PLEKHG7: variants seen among roughly 807,000 people sequenced by gnomAD.
The protein encoded by PLEKHG7 is pleckstrin homology domain-containing family G member 7.
Under a neutral mutation model 85.2 loss-of-function variants are expected in PLEKHG7, and 77 were observed. The ratio of observed to expected loss-of-function variants is 0.90; its 90% confidence interval spans 0.75 to 1.09. The LOEUF (loss-of-function observed/expected upper bound fraction) is 1.09, where lower values mean the gene tolerates loss of function less well. Among genes scored for constraint, PLEKHG7 ranks in the 50% least tolerant of loss-of-function variants. The pLI is 0.00. For synonymous variants in PLEKHG7, 301 were observed against 302.4 expected, an observed-to-expected ratio of 1.00 and a Z score of 0.05; for missense variants, 777 against 804.3, an observed-to-expected ratio of 0.97 and a Z score of 0.41.
chr12:92,743,332 T>A (rs1034162142), intron 9 of PLEKHG7, among the ~76,000 whole-genome samples: 3 of 152,148 alleles, frequency 2.0e-5, no homozygotes, highest in African/African-American at 7.2e-5. Flanking sequence ...CAGCTACATA[T>A]CATCCTCCCC....
chr12:92,705,759 A>G (rs2136565692), intron 1 of PLEKHG7, among the ~76,000 whole-genome samples: 1 of 152,380 alleles, frequency 6.6e-6, no homozygotes, highest in East Asian at 1.9e-4. Context: ...GGGAAAGTAC[A>G]GAATAACGAA....
At chr12:92,726,235 A>G (rs1376336463) in intron 3 of PLEKHG7, among the ~76,000 whole-genome samples, 1 of 152,288 alleles carries the variant, frequency 6.6e-6, no homozygotes, top group East Asian at 1.9e-4. Flanking sequence ...AGGAAAATGG[A>G]AAGAGCAGAG....
At position 92,745,560 on chromosome 12, in the gene PLEKHG7, G is replaced by A. The variant is rs560682168; in HGVS notation, c.1220G>A (p.Arg407Lys). ...SAAIFYLESL[R>K]QRDDFGIYLK... ...GCTATCTTTTATCTTGAGAGCCTGA[G>A]GCAGAGAGATGACTTTGGAATTTAT... Residue 407 changes from arginine (R) to lysine (K), a missense_variant, in exon 10 of 17, where the codon AGG becomes AAG. Physicochemically the swap from Arg to Lys is conservative, Grantham distance 26 (BLOSUM62 2). This residue lies in a region of PLEKHG7 where 520 missense variants were observed against 544.0 expected (regional missense o/e 0.96). Transcript: ENST00000344636. 9 of 1,613,706 alleles carry A rather than the reference G, an allele frequency of 5.6e-6. No individual in the cohort carries two copies. The highest frequency in any genetic ancestry group is 7.6e-6 in the Non-Finnish European group (9 of 1,179,692).
At chr12:92,736,296 A>G (rs1031440475) in intron 5 of PLEKHG7, among the ~76,000 whole-genome samples, 186 bp from the exon 6 acceptor site, 3 of 151,892 alleles carry the variant, frequency 2.0e-5, no homozygotes, top group Non-Finnish European at 4.4e-5. Context: ...CAGGTCTGAC[A>G]TTCTGTGGTT....
intron 10 of PLEKHG7, chr12:92,749,567 A>G (rs1204375585): frequency 6.6e-6 from 1 of 152,220 alleles, no homozygotes; most frequent in Non-Finnish European, 1.5e-5. Context: ...AACGATGCAG[A>G]GGAAGAAACT....
intron 15 of PLEKHG7, among the ~76,000 whole-genome samples, chr12:92,766,151 T>A (rs754303854): frequency 2.2e-4 from 34 of 152,238 alleles, no homozygotes; most frequent in African/African-American, 3.6e-4. Flanking sequence ...GGCAGAGGAA[T>A]GTAGATAAAA....
At chr12:92,734,392 T>C (rs914530442) in intron 5 of PLEKHG7, among the ~76,000 whole-genome samples, 2 of 152,268 alleles carry the variant, frequency 1.3e-5, no homozygotes, top group Non-Finnish European at 2.9e-5. Context: ...TACCAGGTAC[T>C]GTTACTGTTT....
intron 3 of PLEKHG7, among the ~76,000 whole-genome samples, chr12:92,713,590 A>G (rs1212917707): frequency 1.3e-5 from 2 of 152,206 alleles, no homozygotes; most frequent in Non-Finnish European, 2.9e-5. Context: ...TGACATACAG[A>G]GAAGAGCAAT....
intron 15 of PLEKHG7, among the ~76,000 whole-genome samples, chr12:92,765,819 T>A (rs1488841774): frequency 2.0e-5 from 3 of 152,050 alleles, no homozygotes; most frequent in East Asian, 3.9e-4. Flanking sequence ...TGTAAAAATT[T>A]TAATGCCTTA....
intron 3 of PLEKHG7, among the ~76,000 whole-genome samples, chr12:92,718,155 ACT>A (rs1322066759): frequency 1.3e-5 from 2 of 152,136 alleles, no homozygotes; most frequent in East Asian, 3.9e-4. Context: ...AGAGGAGAAG[ACT>A]CTGTCAGCTT....
intron 3 of PLEKHG7, among the ~76,000 whole-genome samples, chr12:92,728,463 A>AAT (rs1304734434): frequency 2.6e-5 from 4 of 151,230 alleles, no homozygotes; most frequent in African/African-American, 4.9e-5. Context: ...TGTATATATA[A>AAT]ATATATATAC....
intron 3 of PLEKHG7, among the ~76,000 whole-genome samples, chr12:92,722,243 A>G (rs2058589864): frequency 6.6e-6 from 1 of 152,072 alleles, no homozygotes; most frequent in Non-Finnish European, 1.5e-5. Context: ...GGTCTTTTCT[A>G]GAGTGCCCAG....
intron 10 of PLEKHG7, among the ~76,000 whole-genome samples, chr12:92,752,361 T>G (rs1174347424): frequency 6.6e-6 from 1 of 152,114 alleles, no homozygotes; most frequent in Non-Finnish European, 1.5e-5. Context: ...ATATGTTTGT[T>G]CCATGTTGTT....
chr12:92,769,131 TC>T (rs761289119), intron 16 of PLEKHG7, 51 bp downstream of exon 16: 4 of 1,318,310 alleles, frequency 3.0e-6, no homozygotes, highest in African/African-American at 1.5e-5. Context: ...TTACATAAGC[TC>T]CCCCCAAGTG....
intron 3 of PLEKHG7, among the ~76,000 whole-genome samples, chr12:92,720,977 T>C (rs936828548): frequency 3.3e-5 from 5 of 152,238 alleles, no homozygotes; most frequent in African/African-American, 1.2e-4. Flanking sequence ...TCTAGCTCTG[T>C]CATTCACTAC....
In PLEKHG7 at chr12:92,755,944, CAA is replaced by C. The variant is rs753310619; in HGVS notation, c.1542+13_1542+14del. On this transcript the variant is annotated splice_donor_5th_base_variant and intron_variant, in intron 12 of 16. Transcript: ENST00000344636. ...TAAAAGGTTTTTCATTCCAGAGGTA[CAA>C]AAAAAAAATCAATTAGGACTTATGT... is the stretch of plus-strand genomic sequence containing the variant. The C allele has an allele frequency of 5.7e-6, 8 of 1,411,928 alleles. No individual in the cohort carries two copies. Among genetic ancestry groups the C allele is most frequent in the Admixed American group, 4.3e-5 (2 of 46,742 alleles). The allele number at this position is 1,411,928 out of a possible 1,614,324, so 87.5% of individuals were successfully genotyped here. A position where few individuals can be genotyped will look rare whatever the true frequency, so the allele number is the denominator to read the frequency against.
At chr12:92,727,601 TTTTTCCAGACAG>T (rs1041636084) in intron 3 of PLEKHG7, among the ~76,000 whole-genome samples, 4 of 152,136 alleles carry the variant, frequency 2.6e-5, no homozygotes, top group African/African-American at 9.7e-5. Flanking sequence ...CATGCTTTTT[TTTTTCCAGACAG>T]AGTTTCGCTC....
At chr12:92,768,253 C>T (rs1475237943) in intron 15 of PLEKHG7, among the ~76,000 whole-genome samples, 1 of 151,832 alleles carries the variant, frequency 6.6e-6, no homozygotes, top group Non-Finnish European at 1.5e-5. Flanking sequence ...AGCTTCAGGA[C>T]TGTGTTGTAT....
chr12:92,721,428 G>A, intron 3 of PLEKHG7: 1 of 1,223,842 alleles, frequency 8.2e-7, no homozygotes. Context: ...CATAGAATAA[G>A]GAGACGTTCT....
Sources: allele counts gnomAD v4.1 joint callset (sites outside exome capture counted in the v4.1 genomes callset), GRCh38; gene constraint gnomAD v4.1.1; regional missense constraint gnomAD v4.1.1; transcripts MANE v1.5; gene names NCBI Gene and HGNC (gene_info 2026-07-23, HGNC 2026-07-21).